The following CAPRIN1 variants were observed in gnomAD, a reference collection of about 807,000 sequenced individuals.
CAPRIN1 encodes caprin-1.
A neutral mutation model predicts 100.9 loss-of-function variants in CAPRIN1; 29 were observed. That is an observed-to-expected ratio of 0.29 (90% CI 0.21 to 0.39). The LOEUF is 0.39. Ranked by LOEUF, CAPRIN1 falls within the 10% of genes least tolerant of loss-of-function variation. The pLI is 1.00. For missense variants in CAPRIN1, 795 were observed against 876.7 expected, an observed-to-expected ratio of 0.91 and a Z score of 1.18; for synonymous variants, 338 against 307.5, an observed-to-expected ratio of 1.10 and a Z score of -1.04.
chr11:34,069,437 C>T (rs1005007956), intron 2 of CAPRIN1, among the ~76,000 whole-genome samples: 4 of 151,908 alleles, frequency 2.6e-5, no homozygotes, highest in Non-Finnish European at 5.9e-5. Flanking sequence ...TGTGAGCCAC[C>T]GGGCCTGGTC....
intron 15 of CAPRIN1, among the ~76,000 whole-genome samples, chr11:34,093,668 C>T (rs1196064677): frequency 6.6e-6 from 1 of 152,132 alleles, no homozygotes; most frequent in African/African-American, 2.4e-5. Context: ...ATACTATGCT[C>T]AGCTTCCAAA....
At chr11:34,085,935 G>GTC in intron 9 of CAPRIN1, 129 bp from the exon 10 acceptor site, 1 of 655,036 alleles carries the variant, frequency 1.5e-6, no homozygotes, top group Admixed American at 3.1e-5. Context: ...ATTCATTTGG[G>GTC]TAACTGCATT....
chr11:34,082,850 T>C lies in CAPRIN1; in HGVS notation c.852T>C (p.Thr284=). The part of the protein sequence containing the change: ...EAEPEPAEEY[T]EQSEVESTEY... ...AACCTGAGCCAGCAGAAGAGTACAC[T>C]GAGCAAAGTGAAGTTGAATCAACAG... The change falls in exon 8 of 19, where the codon ACT becomes ACC. Residue 284 remains threonine (T), a synonymous_variant. Coordinates refer to ENST00000341394, the MANE Select transcript of CAPRIN1 (RefSeq NM_005898.5). 6.2e-7 allele frequency: 1 copy of C among 1,613,980 alleles called. No individual in the cohort carries two copies. The highest frequency in any genetic ancestry group is 1.3e-5 in the African/African-American group (1 of 75,060).
intron 15 of CAPRIN1, among the ~76,000 whole-genome samples, chr11:34,093,858 C>G (rs532311066): frequency 2.2e-4 from 33 of 151,980 alleles, no homozygotes; most frequent in African/African-American, 7.2e-4. Flanking sequence ...GTCTCGAACA[C>G]CAGTCACATA....
At chr11:34,055,100 T>C (rs1850422289) in intron 2 of CAPRIN1, among the ~76,000 whole-genome samples, 1 of 152,182 alleles carries the variant, frequency 6.6e-6, no homozygotes, top group Non-Finnish European at 1.5e-5. Context: ...TAAATGTGTA[T>C]AGGTGTATGT....
Position 34,079,731 on chromosome 11 carries a change from A to G in CAPRIN1, c.792A>G (p.Ser264=), listed in dbSNP as rs780341816. The G allele has an allele frequency of 1.8e-5, 29 of 1,614,032 alleles. No individual in the cohort carries two copies. In the South Asian group the frequency reaches 3.0e-4, roughly 16 times the overall value. Residue 264 remains serine (S), a synonymous_variant, in exon 7 of 19, where the codon TCA becomes TCG. Transcript: ENST00000341394. ...NGLCEEEEAA[S]APAVEDQVPE... ...TGTGTGAGGAAGAAGAGGCAGCCTC[A>G]GCACCTGCAGTTGAAGACCAGGTAC... is the stretch of plus-strand genomic sequence containing the variant.
intron 2 of CAPRIN1, among the ~76,000 whole-genome samples, chr11:34,058,484 G>C (rs543148969): frequency 6.6e-6 from 1 of 152,170 alleles, no homozygotes; most frequent in Non-Finnish European, 1.5e-5. Flanking sequence ...AATGTTCCAC[G>C]GCCTAAGTGT....
Position 34,052,589 on chromosome 11 carries a change from A to T in CAPRIN1, c.169A>T (p.Ile57Phe), listed in dbSNP as rs1850347042. 6.2e-7 allele frequency: 1 copy of T among 1,611,288 alleles called. No individual in the cohort carries two copies. The highest frequency in any genetic ancestry group is 8.5e-7 in the Non-Finnish European group (1 of 1,179,218). ...TGTCCAGACCGAGGCCATGAAGCAG[A>T]TTCTCGGGGTGATCGACAAGAAACT... ...GAVQTEAMKQ[I>F]LGVIDKKLRN... is the part of the protein sequence containing the mutation. Residue 57 changes from isoleucine to phenylalanine, a missense_variant, in exon 2 of 19, where the codon ATT (isoleucine) becomes TTT (phenylalanine). Coordinates refer to ENST00000341394, the MANE Select transcript of CAPRIN1 (RefSeq NM_005898.5).
chr11:34,064,956 T>G (rs918421859), intron 2 of CAPRIN1, among the ~76,000 whole-genome samples: 2 of 3,316 alleles, frequency 6.0e-4, no homozygotes, highest in East Asian at 7.8e-3. Context: ...GTATAATGGT[T>G]TTTTTTTTTT....
chr11:34,084,264 A>G (rs918055695), intron 9 of CAPRIN1, among the ~76,000 whole-genome samples: 2 of 152,054 alleles, frequency 1.3e-5, no homozygotes, highest in Non-Finnish European at 2.9e-5. Context: ...CATAGATGTT[A>G]TAATTGTGCC....
At chr11:34,097,323 A>T (rs779577720) in intron 17 of CAPRIN1, 27 bp downstream of exon 17, 8 of 1,477,706 alleles carry the variant, frequency 5.4e-6, no homozygotes, top group Non-Finnish European at 7.6e-6. Context: ...TAAAGTGTAA[A>T]CCTGAACTAA....
chr11:34,052,053 C>T (rs978682973), intron 1 of CAPRIN1, 182 bp downstream of exon 1: 6 of 149,862 alleles, frequency 4.0e-5, no homozygotes, highest in Non-Finnish European at 8.9e-5. Context: ...CCTCCCTTCT[C>T]CGGAAGCCGG....
In CAPRIN1 at chr11:34,090,526, T is replaced by C. The variant is rs770567172; in HGVS notation, c.1405-3T>C. The C allele has an allele frequency of 2.2e-5, 36 of 1,609,814 alleles. No homozygotes were observed. Among genetic ancestry groups the C allele is most frequent in the Non-Finnish European group, 3.0e-5 (35 of 1,176,672 alleles). On this transcript the variant is annotated splice_region_variant and splice_polypyrimidine_tract_variant and intron_variant, in intron 13 of 18. Transcript: ENST00000341394. ...AAAGTGCATCTATTCACTTTGTGTTTAGGCAACAATCTCTTTAAATACAGA... is the reference window on the plus strand; with the variant it reads ...AAAGTGCATCTATTCACTTTGTGTTCAGGCAACAATCTCTTTAAATACAGA...
At chr11:34,088,225 A>T (rs1197185999) in intron 11 of CAPRIN1, among the ~76,000 whole-genome samples, 1 of 151,762 alleles carries the variant, frequency 6.6e-6, no homozygotes, top group Admixed American at 6.6e-5. Context: ...GGATGGTGTC[A>T]ATCTCTTGAC....
At chr11:34,054,674 G>A (rs1419936088) in intron 2 of CAPRIN1, among the ~76,000 whole-genome samples, 1 of 152,102 alleles carries the variant, frequency 6.6e-6, no homozygotes, top group Non-Finnish European at 1.5e-5. Flanking sequence ...TGATCCGCCC[G>A]CCTTGGTCTT....
At chr11:34,095,936 A>G (rs1048062978) in intron 15 of CAPRIN1, 5 of 152,254 alleles carry the variant, frequency 3.3e-5, no homozygotes, top group African/African-American at 1.2e-4. Context: ...AAGGGCTACA[A>G]GTCGAAGGCC....
intron 6 of CAPRIN1, among the ~76,000 whole-genome samples, chr11:34,078,102 C>G (rs1049945843): frequency 6.6e-6 from 1 of 152,094 alleles, no homozygotes; most frequent in Non-Finnish European, 1.5e-5. Flanking sequence ...AGGTACTAAT[C>G]TTTATAATGG....
chr11:34,098,608 A>G, intron 18 of CAPRIN1: 1 of 985,244 alleles, frequency 1.0e-6, no homozygotes. Context: ...ACTGGCCAGG[A>G]AAAAGGTACA....
intron 13 of CAPRIN1, 85 bp downstream of exon 13, chr11:34,090,374 T>C (rs903718262): frequency 4.5e-5 from 56 of 1,244,054 alleles, no homozygotes; most frequent in Non-Finnish European, 6.2e-5. Flanking sequence ...AATATAATGA[T>C]TCTTCTTTTT....
Sources: gnomAD v4.1 joint callset for allele counts (sites outside exome capture counted in the v4.1 genomes callset) on GRCh38, gnomAD v4.1.1 for gene constraint, MANE v1.5 for transcripts, NCBI Gene and HGNC (gene_info 2026-07-23, HGNC 2026-07-21) for gene names.